The following PRKD1 variants were observed in gnomAD, a reference collection of about 807,000 sequenced individuals.
PRKD1 encodes the protein serine/threonine-protein kinase D1.
Under a neutral mutation model 95.9 loss-of-function variants are expected in PRKD1, and 63 were observed. That is an observed-to-expected ratio of 0.66 (90% confidence interval 0.54 to 0.81). The LOEUF is 0.81. Ranked by LOEUF, PRKD1 falls within the 30% of genes least tolerant of loss-of-function variation. PRKD1 has a pLI of 0.00. For synonymous variants in PRKD1, 425 were observed against 423.1 expected (o/e 1.00, Z -0.05); for missense variants, 1,048 against 1,165.3 (o/e 0.90, Z 1.47).
intron 1 of PRKD1, among the ~76,000 whole-genome samples, chr14:29,904,404 C>A (rs1894424643): frequency 6.6e-6 from 1 of 152,134 alleles, no homozygotes; most frequent in Non-Finnish European, 1.5e-5. Context: ...TAATCCAGGG[C>A]AATTCTTTCT....
At chr14:29,746,982 T>C (rs1887254013) in intron 1 of PRKD1, among the ~76,000 whole-genome samples, 1 of 152,180 alleles carries the variant, frequency 6.6e-6, no homozygotes, top group Non-Finnish European at 1.5e-5. Context: ...TTTCCTAATT[T>C]TATTCTACAA....
At chr14:29,820,117 T>C (rs191497647) in intron 1 of PRKD1, among the ~76,000 whole-genome samples, 24 of 152,258 alleles carry the variant, frequency 1.6e-4, no homozygotes, top group Admixed American at 1.6e-3. Flanking sequence ...CTAAACACAA[T>C]GGATACAGAA....
intron 1 of PRKD1, among the ~76,000 whole-genome samples, chr14:29,733,540 G>A (rs942816358): frequency 6.6e-6 from 1 of 152,150 alleles, no homozygotes; most frequent in Non-Finnish European, 1.5e-5. Context: ...AGTTCAGCAT[G>A]GCTTGGGAGG....
At chr14:29,646,952 G>A (rs2139163500) in intron 4 of PRKD1, among the ~76,000 whole-genome samples, 1 of 152,238 alleles carries the variant, frequency 6.6e-6, no homozygotes, top group South Asian at 2.1e-4. Flanking sequence ...TGTTTGCTGA[G>A]TTTCAGGTTG....
chr14:29,743,534 A>T (rs1286984521), intron 1 of PRKD1, among the ~76,000 whole-genome samples: 2 of 152,194 alleles, frequency 1.3e-5, no homozygotes, highest in African/African-American at 4.8e-5. Flanking sequence ...TGGAGACAAG[A>T]ACATGTTAGG....
intron 13 of PRKD1, among the ~76,000 whole-genome samples, chr14:29,616,701 AG>A (rs1878892440): frequency 6.6e-6 from 1 of 152,196 alleles, no homozygotes; most frequent in African/African-American, 2.4e-5. Flanking sequence ...AAGGGTTGGC[AG>A]GGCTGTGTGG....
At chr14:29,854,360 A>G (rs1055985912) in intron 1 of PRKD1, among the ~76,000 whole-genome samples, 1 of 152,218 alleles carries the variant, frequency 6.6e-6, no homozygotes, top group Non-Finnish European at 1.5e-5. Flanking sequence ...AGGGAACTGG[A>G]GCAAAAGTGA....
chr14:29,888,464 T>C (rs1893818062), intron 1 of PRKD1, among the ~76,000 whole-genome samples: 1 of 152,178 alleles, frequency 6.6e-6, no homozygotes, highest in African/African-American at 2.4e-5. Context: ...AAAGGCATCA[T>C]GAAGGGAAAC....
chr14:29,882,370 C>T (rs543198385), intron 1 of PRKD1, among the ~76,000 whole-genome samples: 3 of 152,180 alleles, frequency 2.0e-5, no homozygotes, highest in African/African-American at 2.4e-5. Context: ...ATGTATTATA[C>T]GATGATTATG....
intron 2 of PRKD1, among the ~76,000 whole-genome samples, chr14:29,668,725 CAG>C (rs1882668961): frequency 1.3e-5 from 2 of 152,114 alleles, no homozygotes; most frequent in South Asian, 4.1e-4. Context: ...AAAATAACGA[CAG>C]ATCTTCCAAG....
intron 2 of PRKD1, among the ~76,000 whole-genome samples, chr14:29,695,999 T>G (rs1048191724): frequency 6.6e-6 from 1 of 152,232 alleles, no homozygotes; most frequent in African/African-American, 2.4e-5. Flanking sequence ...CTGATCCATT[T>G]GAGCCAGATA....
intron 2 of PRKD1, among the ~76,000 whole-genome samples, chr14:29,721,381 A>C (rs1885887450): frequency 6.6e-6 from 1 of 152,238 alleles, no homozygotes; most frequent in Non-Finnish European, 1.5e-5. Context: ...TAAAACTGTG[A>C]CTTTATTTGA....
chr14:29,785,032 G>A (rs79233744), intron 1 of PRKD1, among the ~76,000 whole-genome samples: 2,299 of 152,124 alleles, frequency 0.015, 25 homozygotes, highest in East Asian at 0.08. Flanking sequence ...CTATAACCCC[G>A]CTCAAAAGTG....
At chr14:29,655,486 A>G (rs1347189449) in intron 4 of PRKD1, among the ~76,000 whole-genome samples, 3 of 152,178 alleles carry the variant, frequency 2.0e-5, no homozygotes, top group African/African-American at 4.8e-5. Flanking sequence ...ATAATATTTG[A>G]AATTTATAGT....
At chr14:29,737,278 C>G (rs1471993051) in intron 1 of PRKD1, among the ~76,000 whole-genome samples, 2 of 130,616 alleles carry the variant, frequency 1.5e-5, no homozygotes, top group Admixed American at 1.7e-4. Context: ...GCCGAGATTG[C>G]GCCACTGCAG....
chr14:29,873,051 A>G (rs1453073815), intron 1 of PRKD1, among the ~76,000 whole-genome samples: 1 of 152,176 alleles, frequency 6.6e-6, no homozygotes, highest in Non-Finnish European at 1.5e-5. Context: ...CTTTACAAGT[A>G]ATTTTGATGC....
chr14:29,628,601 C>G (rs1375403548), intron 11 of PRKD1, among the ~76,000 whole-genome samples: 1 of 152,126 alleles, frequency 6.6e-6, no homozygotes, highest in Non-Finnish European at 1.5e-5. Context: ...GTACAAGTGA[C>G]TATAAGAGCA....
At chr14:29,882,590 G>T (rs1167061975) in intron 1 of PRKD1, among the ~76,000 whole-genome samples, 2 of 152,118 alleles carry the variant, frequency 1.3e-5, no homozygotes, top group Admixed American at 6.5e-5. Flanking sequence ...TATTCACAGT[G>T]CTGTGCAAAA....
intron 2 of PRKD1, among the ~76,000 whole-genome samples, chr14:29,715,756 AG>A (rs1184773040): frequency 1.3e-5 from 2 of 152,184 alleles, no homozygotes; most frequent in African/African-American, 4.8e-5. Context: ...CATTTTTCAT[AG>A]TATTGTCAGA....
Sources: gnomAD v4.1 joint callset for allele counts (sites outside exome capture counted in the v4.1 genomes callset) on GRCh38, gnomAD v4.1.1 for gene constraint, MANE v1.5 for transcripts, NCBI Gene and HGNC (gene_info 2026-07-23, HGNC 2026-07-21) for gene names.